ZMAT4: variants seen among roughly 807,000 people sequenced by gnomAD.
ZMAT4 encodes the protein zinc finger matrin-type 4, also known as zinc finger matrin-type protein 4.
In ZMAT4, 17 loss-of-function variants were observed where a neutral mutation model predicts 28.7. That is an observed-to-expected ratio of 0.59 (90% CI 0.41 to 0.89). ZMAT4 has a LOEUF of 0.89. Among genes scored for constraint, ZMAT4 ranks in the 40% least tolerant of loss-of-function variants. The pLI, the probability that ZMAT4 is intolerant of heterozygous loss-of-function variation, is 0.00. For missense variants in ZMAT4, 240 were observed against 283.8 expected (o/e 0.85, Z 1.11); for synonymous variants, 117 against 109.2 (o/e 1.07, Z -0.44).
In ZMAT4 at chr8:40,799,225, G is replaced by A. The variant is rs72641540; in HGVS notation, c.102+26350C>T. Among the ~76,000 whole-genome samples the A allele has an allele frequency of 6.6e-4, 100 of 150,672 alleles. 1 individual carries two copies. Among genetic ancestry groups the A allele is most frequent in the East Asian group, 9.8e-4 (5 of 5,106 alleles). On this transcript the variant is annotated intron_variant, in intron 2 of 6. Coordinates refer to ENST00000297737, the MANE Select transcript of ZMAT4 (RefSeq NM_024645.3). Reference sequence around the variant, plus strand: ...TAGATGGGTGGATGGATGGATGGATGGATAGATAGATGGATGGATGGAGAC... The same window carrying A: ...TAGATGGGTGGATGGATGGATGGATAGATAGATAGATGGATGGATGGAGAC...
chr8:40,706,088 C>T (rs1244823860), intron 3 of ZMAT4, among the ~76,000 whole-genome samples: 1 of 152,096 alleles, frequency 6.6e-6, no homozygotes, highest in African/African-American at 2.4e-5. Flanking sequence ...GACAGAGTCT[C>T]GCTCTGTCAC....
At chr8:40,732,930 C>A (rs779603517) in intron 3 of ZMAT4, among the ~76,000 whole-genome samples, 1 of 132,638 alleles carries the variant, frequency 7.5e-6, no homozygotes, top group Non-Finnish European at 1.5e-5. Context: ...ACTGCATCTT[C>A]GAACTCCTGG....
At chr8:40,615,044 G>GT (rs1236577750) in intron 5 of ZMAT4, among the ~76,000 whole-genome samples, 13 of 152,278 alleles carry the variant, frequency 8.5e-5, no homozygotes, top group Non-Finnish European at 1.8e-4. Flanking sequence ...ATTTTGGCAT[G>GT]TTTTTGCAGT....
chr8:40,792,878 G>A (rs1176517188), intron 2 of ZMAT4, among the ~76,000 whole-genome samples: 1 of 151,804 alleles, frequency 6.6e-6, no homozygotes, highest in Non-Finnish European at 1.5e-5. Flanking sequence ...TATGATACTA[G>A]CTATATAATG....
At chr8:40,872,406 C>G (rs1055918152) in intron 1 of ZMAT4, among the ~76,000 whole-genome samples, 1 of 152,204 alleles carries the variant, frequency 6.6e-6, no homozygotes, top group Non-Finnish European at 1.5e-5. Context: ...CAGTGACTCC[C>G]CCTCCCTGTA....
chr8:40,839,169 G>A (rs1816607467), intron 1 of ZMAT4, among the ~76,000 whole-genome samples: 1 of 152,140 alleles, frequency 6.6e-6, no homozygotes, highest in Non-Finnish European at 1.5e-5. Flanking sequence ...TTAAGCTTTG[G>A]AGAAACAAGC....
chr8:40,893,938 T>C (rs1818782316), intron 1 of ZMAT4, among the ~76,000 whole-genome samples: 1 of 152,238 alleles, frequency 6.6e-6, no homozygotes. Flanking sequence ...CCTTTAAGAA[T>C]GTAAATACCT....
At chr8:40,790,543 C>G (rs1814280700) in intron 2 of ZMAT4, among the ~76,000 whole-genome samples, 1 of 152,020 alleles carries the variant, frequency 6.6e-6, no homozygotes. Context: ...ATTTATAATA[C>G]TATCAGAAAT....
intron 3 of ZMAT4, among the ~76,000 whole-genome samples, chr8:40,709,385 A>C (rs2150506192): frequency 6.6e-6 from 1 of 152,302 alleles, no homozygotes; most frequent in Middle Eastern, 3.4e-3. Flanking sequence ...TGTCAACCCA[A>C]AACAATCAAC....
chr8:40,865,457 C>G (rs1457523400), intron 1 of ZMAT4, among the ~76,000 whole-genome samples: 1 of 152,324 alleles, frequency 6.6e-6, no homozygotes, highest in East Asian at 1.9e-4. Context: ...AGGGATCTTC[C>G]AGGCAGGATG....
At chr8:40,706,200 G>T (rs1281362390) in intron 3 of ZMAT4, among the ~76,000 whole-genome samples, 1 of 152,082 alleles carries the variant, frequency 6.6e-6, no homozygotes, top group Non-Finnish European at 1.5e-5. Context: ...CTACAGAAAT[G>T]TACCACCATG....
chr8:40,790,817 G>A (rs1019815564), intron 2 of ZMAT4, among the ~76,000 whole-genome samples: 1 of 152,148 alleles, frequency 6.6e-6, no homozygotes, highest in Non-Finnish European at 1.5e-5. Flanking sequence ...AAAGCACTTA[G>A]AATTGCCAAA....
chr8:40,553,273 C>T (rs956139114), intron 6 of ZMAT4, among the ~76,000 whole-genome samples: 8 of 152,314 alleles, frequency 5.3e-5, no homozygotes, highest in Non-Finnish European at 8.8e-5. Flanking sequence ...TACATTCTGA[C>T]ATCATTCCTG....
chr8:40,769,666 T>C (rs1451952053), intron 2 of ZMAT4, among the ~76,000 whole-genome samples: 1 of 152,192 alleles, frequency 6.6e-6, no homozygotes, highest in Non-Finnish European at 1.5e-5. Context: ...TTTACATTTG[T>C]TACCATAGAG....
In ZMAT4 at chr8:40,697,296, C is replaced by T. The variant is rs758036509; in HGVS notation, c.298G>A (p.Ala100Thr). The change falls in exon 4 of 7, where the codon GCC becomes ACC. Residue 100 changes from alanine (A) to threonine (T), a missense_variant. Coordinates refer to ENST00000297737, the MANE Select transcript of ZMAT4 (RefSeq NM_024645.3). ...ADSHYQGKIH[A>T]KRLKLLLGEK... ...CCTAGCAAGAGTTTTAACCTCTTGG[C>T]GTGGATTTTGCCTTGATAATGGGAA... The T allele has an allele frequency of 3.1e-6, 5 of 1,613,716 alleles. No individual in the cohort carries two copies. Among genetic ancestry groups the T allele is most frequent in the East Asian group, 2.2e-5 (1 of 44,860 alleles).
chr8:40,608,542 C>G (rs1430649676), intron 5 of ZMAT4, among the ~76,000 whole-genome samples: 1 of 152,146 alleles, frequency 6.6e-6, no homozygotes, highest in Non-Finnish European at 1.5e-5. Context: ...TTCATGCCTC[C>G]CCACCTGCCA....
Position 40,636,619 on chromosome 8 carries a change from C to A in ZMAT4, c.577+38085G>T, listed in dbSNP as rs565352136. Among the ~76,000 whole-genome samples the A allele has an allele frequency of 3.9e-5, 6 of 152,290 alleles. No individual in the cohort carries two copies. In the South Asian group the frequency reaches 1.2e-3, roughly 32 times the overall value. On this transcript the variant is annotated intron_variant, in intron 5 of 6. Transcript: ENST00000297737. ...CTCAGGGGCTATCAGAGGAGAGAAA[C>A]AGGGTGACAATCACCACTGACAGAG...
intron 5 of ZMAT4, among the ~76,000 whole-genome samples, chr8:40,662,822 T>C (rs916600493): frequency 6.6e-6 from 1 of 152,206 alleles, no homozygotes; most frequent in Non-Finnish European, 1.5e-5. Context: ...AGAATTCTAA[T>C]GTACAGGCTC....
intron 1 of ZMAT4, among the ~76,000 whole-genome samples, chr8:40,856,852 C>T (rs1288251530): frequency 6.6e-6 from 1 of 152,126 alleles, no homozygotes; most frequent in Non-Finnish European, 1.5e-5. Context: ...CTCCAAAGAG[C>T]ACAGGAGCCC....
Sources: allele counts gnomAD v4.1 joint callset (sites outside exome capture counted in the v4.1 genomes callset), GRCh38; gene constraint gnomAD v4.1.1; transcripts MANE v1.5; gene names NCBI Gene and HGNC (gene_info 2026-07-23, HGNC 2026-07-21).